Variants in CRIM1 observed in about 807,000 individuals in gnomAD.
The protein encoded by CRIM1 is cysteine-rich motor neuron 1 protein.
A neutral mutation model predicts 116.4 loss-of-function variants in CRIM1; 32 were observed. The ratio of observed to expected loss-of-function variants is 0.27; its 90% CI spans 0.21 to 0.37. The LOEUF (loss-of-function observed/expected upper bound fraction) is 0.37. CRIM1 is among the 10% of genes least tolerant of loss of function. CRIM1 has a pLI of 1.00. For missense variants in CRIM1, 1,331 were observed against 1,354.8 expected, an observed-to-expected ratio of 0.98 and a Z score of 0.28; for synonymous variants, 590 against 509.2, an observed-to-expected ratio of 1.16 and a Z score of -2.13.
At chr2:36,509,570 T>A (rs1056694632) in intron 8 of CRIM1, among the ~76,000 whole-genome samples, 1 of 152,144 alleles carries the variant, frequency 6.6e-6, no homozygotes. Flanking sequence ...GGACATGCAA[T>A]AGAAATAAAA....
intron 2 of CRIM1, among the ~76,000 whole-genome samples, chr2:36,419,619 C>T (rs1673900197): frequency 6.6e-6 from 1 of 152,140 alleles, no homozygotes; most frequent in South Asian, 2.1e-4. Flanking sequence ...AGAAGGAGGT[C>T]TTGTGCCTCC....
intron 2 of CRIM1, among the ~76,000 whole-genome samples, chr2:36,440,497 G>T (rs539799001): frequency 6.6e-6 from 1 of 152,164 alleles, no homozygotes; most frequent in Non-Finnish European, 1.5e-5. Flanking sequence ...ACTGTGGACT[G>T]GGGTTTCAGA....
intron 13 of CRIM1, chr2:36,531,729 C>T (rs1666133767): frequency 3.0e-6 from 1 of 334,856 alleles, no homozygotes. Flanking sequence ...CTTCTTCCTC[C>T]TCTTGTGATA....
chr2:36,419,745 G>A (rs2124851781), intron 2 of CRIM1, among the ~76,000 whole-genome samples: 1 of 152,316 alleles, frequency 6.6e-6, no homozygotes, highest in African/African-American at 2.4e-5. Context: ...AAAATGAGAA[G>A]TGCATGAGTA....
intron 13 of CRIM1, among the ~76,000 whole-genome samples, chr2:36,523,887 C>T (rs1665579286): frequency 6.6e-6 from 1 of 152,128 alleles, no homozygotes. Flanking sequence ...CACTCTGAGT[C>T]TTTTACTCTG....
In CRIM1 at chr2:36,537,493, T is replaced by A. The variant is rs762660361; in HGVS notation, c.2570T>A (p.Leu857Gln). Residue 857 changes from leucine (L) to glutamine (Q), a missense_variant, in exon 14 of 17, where the codon CTG (leucine) becomes CAG (glutamine). By Grantham distance (113) the Leu-to-Gln change is moderately radical. Coordinates refer to ENST00000280527, the MANE Select transcript of CRIM1 (RefSeq NM_016441.3). ...TGCTCGACCGTCAGCTGCCCCCCTC[T>A]GCCCTGTGTTGAGCCCATCAACGTG... is the stretch of plus-strand genomic sequence containing the variant. ...TLCSTVSCPP[L>Q]PCVEPINVEG... The A allele has an allele frequency of 3.1e-6, 5 of 1,614,162 alleles. No individual in the cohort carries two copies. Among genetic ancestry groups the A allele is most frequent in the Non-Finnish European group, 4.2e-6 (5 of 1,180,004 alleles).
In CRIM1 at chr2:36,408,428, C is replaced by T. The variant is rs114409083; in HGVS notation, c.505+11641C>T. ...AGTTGCTGCTTTGCCCAGCTGTGTC[C>T]GGCTAAGCCCTGGCCCCCACAAAGG... On this transcript the variant is annotated intron_variant, in intron 2 of 16. Transcript: ENST00000280527. Among the ~76,000 whole-genome samples the T allele has an allele frequency of 3.9e-3, 592 of 152,286 alleles. 2 individuals carry two copies. The highest frequency in any genetic ancestry group is 0.014 in the African/African-American group (565 of 41,560).
chr2:36,544,780 G>C (rs938378834), intron 15 of CRIM1, among the ~76,000 whole-genome samples: 2 of 152,186 alleles, frequency 1.3e-5, no homozygotes, highest in African/African-American at 4.8e-5. Flanking sequence ...CTAGTCATAA[G>C]AGCCTGGTAT....
chr2:36,481,056 G>C (rs1007027735), intron 7 of CRIM1, among the ~76,000 whole-genome samples: 2 of 152,234 alleles, frequency 1.3e-5, no homozygotes, highest in African/African-American at 4.8e-5. Context: ...TGGGACACAC[G>C]GTAAGGAATA....
At chr2:36,520,361 A>G (rs768307315) in intron 12 of CRIM1, among the ~76,000 whole-genome samples, 1 of 152,248 alleles carries the variant, frequency 6.6e-6, no homozygotes, top group African/African-American at 2.4e-5. Context: ...CAAAAACCTC[A>G]TGGAGATTTG....
chr2:36,361,400 A>G (rs1395199495), intron 1 of CRIM1, among the ~76,000 whole-genome samples: 1 of 152,130 alleles, frequency 6.6e-6, no homozygotes, highest in Non-Finnish European at 1.5e-5. Context: ...GACTTGGTAC[A>G]GGTTTCTTTG....
At chr2:36,461,987 A>G (rs962286053) in intron 4 of CRIM1, among the ~76,000 whole-genome samples, 1 of 152,210 alleles carries the variant, frequency 6.6e-6, no homozygotes. Flanking sequence ...GTGAAAAGTC[A>G]AAAGATGGCA....
chr2:36,469,540 C>T (rs1439720045), intron 5 of CRIM1, among the ~76,000 whole-genome samples: 1 of 152,098 alleles, frequency 6.6e-6, no homozygotes, highest in Non-Finnish European at 1.5e-5. Context: ...TTCTCTAAGA[C>T]AGTAACATGT....
At chr2:36,495,915 G>T (rs756644303) in intron 7 of CRIM1, among the ~76,000 whole-genome samples, 2 of 151,946 alleles carry the variant, frequency 1.3e-5, no homozygotes, top group Non-Finnish European at 2.9e-5. Context: ...TATTTTTGTC[G>T]TAATGTTGTT....
intron 7 of CRIM1, among the ~76,000 whole-genome samples, chr2:36,493,099 T>TC (rs529005034): frequency 2.6e-5 from 4 of 152,170 alleles, no homozygotes; most frequent in East Asian, 1.9e-4. Flanking sequence ...GAGTATTTTT[T>TC]CACTTGTAAA....
chr2:36,366,772 A>G lies in CRIM1; in HGVS notation c.331+10149A>G, dbSNP rs535190834. ...AGCAAAACGTTTCACAGCTGTGATT[A>G]AACAAAAGGCATCTTTTGTTGGAGA... is the stretch of plus-strand genomic sequence containing the variant. On this transcript the variant is annotated intron_variant, in intron 1 of 16. Coordinates refer to ENST00000280527, the MANE Select transcript of CRIM1 (RefSeq NM_016441.3). Among the ~76,000 whole-genome samples, 11 of 152,338 alleles carry G rather than the reference A, an allele frequency of 7.2e-5. No individual in the cohort carries two copies. In the East Asian group the frequency reaches 2.1e-3, roughly 29 times the overall value.
intron 13 of CRIM1, among the ~76,000 whole-genome samples, chr2:36,532,337 A>G (rs1468646197): frequency 6.6e-6 from 1 of 152,130 alleles, no homozygotes; most frequent in East Asian, 1.9e-4. Flanking sequence ...GTCATACCTC[A>G]TGGTTTCCTT....
At chr2:36,462,381 A>G (rs1245492816) in intron 4 of CRIM1, among the ~76,000 whole-genome samples, 1 of 152,204 alleles carries the variant, frequency 6.6e-6, no homozygotes, top group Non-Finnish European at 1.5e-5. Context: ...TTTTTAAACA[A>G]ATGTTGGGAA....
intron 2 of CRIM1, among the ~76,000 whole-genome samples, chr2:36,411,894 C>A (rs186854598): frequency 6.6e-6 from 1 of 152,132 alleles, no homozygotes; most frequent in Non-Finnish European, 1.5e-5. Flanking sequence ...AGCTATGACT[C>A]CTGAAATAAA....
Sources: allele counts gnomAD v4.1 joint callset (sites outside exome capture counted in the v4.1 genomes callset), GRCh38; gene constraint gnomAD v4.1.1; transcripts MANE v1.5; gene names NCBI Gene and HGNC (gene_info 2026-07-23, HGNC 2026-07-21).